Variants in PLCG2 observed in about 807,000 individuals in gnomAD.
PLCG2 encodes the protein phospholipase C gamma 2.
A neutral mutation model predicts 175.6 loss-of-function variants in PLCG2; 69 were observed. The observed-to-expected ratio is 0.39, with a 90% CI of 0.32 to 0.48. PLCG2 has a LOEUF of 0.48. Ranked by LOEUF, PLCG2 falls within the 20% of genes least tolerant of loss-of-function variation. The probability of loss-of-function intolerance (pLI) is 0.91; values close to 1 mark genes in which losing one functional copy is unlikely to be tolerated. For missense variants in PLCG2, 1,798 were observed against 1,650.9 expected, an observed-to-expected ratio of 1.09 and a Z score of -1.54; for synonymous variants, 827 against 624.0, an observed-to-expected ratio of 1.33 and a Z score of -4.85.
chr16:81,823,745 G>A (rs536225512), intron 2 of PLCG2, among the ~76,000 whole-genome samples: 35 of 150,466 alleles, frequency 2.3e-4, no homozygotes, highest in East Asian at 1.2e-3. Flanking sequence ...GCCCAGGCTG[G>A]CCTTGAATTC....
chr16:81,930,233 A>G (rs748661226), intron 24 of PLCG2, among the ~76,000 whole-genome samples: 5 of 152,230 alleles, frequency 3.3e-5, no homozygotes, highest in African/African-American at 9.6e-5. Context: ...TGCCTGGTAT[A>G]TAAGAGCTCA....
intron 2 of PLCG2, among the ~76,000 whole-genome samples, chr16:81,825,111 A>C (rs1162698152): frequency 3.3e-5 from 5 of 152,172 alleles, no homozygotes; most frequent in Non-Finnish European, 7.3e-5. Flanking sequence ...GTCTTAGCCC[A>C]GCGAGACCCG....
upstream of PLCG2, among the ~76,000 whole-genome samples, chr16:81,774,364 C>G (rs1227666305): frequency 2.0e-5 from 3 of 151,732 alleles, no homozygotes; most frequent in African/African-American, 7.3e-5. Context: ...ACCCACAAAA[C>G]CATTAAACCG....
intron 1 of PLCG2, among the ~76,000 whole-genome samples, chr16:81,745,253 C>A (rs1302524490): frequency 6.6e-6 from 1 of 152,154 alleles, no homozygotes; most frequent in Non-Finnish European, 1.5e-5. Context: ...CCGGGAAGGG[C>A]ATATGACCTA....
At position 81,920,736 on chromosome 16, in the gene PLCG2, A is replaced by G. The variant is rs148557181; in HGVS notation, c.2236-462A>G. Among the ~76,000 whole-genome samples the G allele has an allele frequency of 2.6e-3, 228 of 87,358 alleles. 4 individuals are homozygous for G. Among genetic ancestry groups the G allele is most frequent in the African/African-American group, 9.2e-3 (194 of 21,106 alleles). The allele number at this position is 87,358 out of a possible 152,430, so 57.3% of individuals were successfully genotyped here. ...TCAGTGGTGTGCTAGTAAATGTTCA[A>G]ACAGCTCTCAGCGGGGTAGGGGGAA... On this transcript the variant is annotated intron_variant, in intron 20 of 32. Coordinates refer to ENST00000564138, the MANE Select transcript of PLCG2 (RefSeq NM_002661.5).
Position 81,876,018 on chromosome 16 carries a change from T to TTC in PLCG2, c.649-4891_649-4890insCT, listed in dbSNP as rs1413353655. Among the ~76,000 whole-genome samples, 186 of 97,144 alleles carry TTC rather than the reference T, an allele frequency of 1.9e-3. 1 individual carries two copies. Among genetic ancestry groups the TTC allele is most frequent in the Non-Finnish European group, 3.3e-3 (141 of 42,766 alleles). 63.7% of individuals were successfully genotyped at this position (97,144 alleles called of 152,430 possible). ...CTGGTTAGCTTTTCTTTTTCTTTCT[T>TTC]TTTTTTTTTTTTTTTTTTTGTTTTT... On this transcript the variant is annotated intron_variant, in intron 7 of 32. Transcript: ENST00000564138.
chr16:81,903,873 G>T (rs138607110), intron 14 of PLCG2, among the ~76,000 whole-genome samples: 1 of 152,134 alleles, frequency 6.6e-6, no homozygotes, highest in Admixed American at 6.5e-5. Context: ...CACCTGATAC[G>T]CTGTGGCCCA....
rs537306517 is a variant in PLCG2 at position 81,773,467 on chromosome 16, G to C, written c.-47-12476G>C. Reference sequence around the variant, plus strand: ...GACTATTACATTGTTGGAGACACAGGGGGGTAAGAGGCAGAGCTGGGATTC... The same window carrying C: ...GACTATTACATTGTTGGAGACACAGCGGGGTAAGAGGCAGAGCTGGGATTC... On this transcript the variant is annotated intron_variant, in intron 2 of 5. Transcript: ENST00000565054. Among the ~76,000 whole-genome samples the C allele has an allele frequency of 3.3e-5, 5 of 152,284 alleles. No individual in the cohort carries two copies. In the South Asian group the frequency reaches 6.2e-4, roughly 19 times the overall value.
At chr16:81,850,274 T>G (rs1313121050) in intron 2 of PLCG2, among the ~76,000 whole-genome samples, 1 of 152,218 alleles carries the variant, frequency 6.6e-6, no homozygotes, top group Non-Finnish European at 1.5e-5. Flanking sequence ...GTGTGCTCAT[T>G]TTTTTGAGAT....
intron 24 of PLCG2, among the ~76,000 whole-genome samples, chr16:81,930,149 T>C (rs1910440631): frequency 1.3e-5 from 2 of 152,060 alleles, no homozygotes; most frequent in South Asian, 2.1e-4. Context: ...CCAGCCTGGA[T>C]AATGTAGCAA....
chr16:81,826,232 T>A (rs1483068046), intron 2 of PLCG2, among the ~76,000 whole-genome samples: 2 of 152,206 alleles, frequency 1.3e-5, no homozygotes, highest in Non-Finnish European at 2.9e-5. Flanking sequence ...GTCCACCTCC[T>A]GGTTCTTGGG....
At chr16:81,833,942 G>C (rs936412993) in intron 2 of PLCG2, among the ~76,000 whole-genome samples, 2 of 152,164 alleles carry the variant, frequency 1.3e-5, no homozygotes, top group African/African-American at 2.4e-5. Context: ...GACTTCAAAG[G>C]AAGCATTCAT....
chr16:81,920,271 T>C (rs1477505749), intron 20 of PLCG2, among the ~76,000 whole-genome samples: 1 of 152,178 alleles, frequency 6.6e-6, no homozygotes, highest in Non-Finnish European at 1.5e-5. Flanking sequence ...TTTGTCTCCA[T>C]TCCTACCACA....
chr16:81,800,480 C>G (rs911363393), intron 2 of PLCG2, among the ~76,000 whole-genome samples: 2 of 152,078 alleles, frequency 1.3e-5, no homozygotes, highest in African/African-American at 4.8e-5. Flanking sequence ...GTTTTCTGTT[C>G]CCGTGTTAGT....
chr16:81,774,335 AAAAAC>A (rs1000040068), upstream of PLCG2, among the ~76,000 whole-genome samples: 20 of 151,734 alleles, frequency 1.3e-4, no homozygotes, highest in African/African-American at 4.8e-4. Context: ...GGGCAGTAAA[AAAAAC>A]AAAACAAAAC....
At chr16:81,880,283 C>G (rs1042349729) in intron 7 of PLCG2, among the ~76,000 whole-genome samples, 6 of 152,086 alleles carry the variant, frequency 3.9e-5, no homozygotes, top group African/African-American at 1.4e-4. Flanking sequence ...TATGTGTACC[C>G]CAGTGGAGGT....
chr16:81,914,353 G>T (rs1567530576), intron 19 of PLCG2, among the ~76,000 whole-genome samples: 1 of 152,178 alleles, frequency 6.6e-6, no homozygotes, highest in Non-Finnish European at 1.5e-5. Flanking sequence ...ACCTTGGGCT[G>T]CCAGGACAGT....
At chr16:81,814,614 G>A (rs1369242092) in intron 2 of PLCG2, among the ~76,000 whole-genome samples, 1 of 152,078 alleles carries the variant, frequency 6.6e-6, no homozygotes, top group Non-Finnish European at 1.5e-5. Context: ...AGAATCACTT[G>A]AACCCGGGAG....
intron 6 of PLCG2, among the ~76,000 whole-genome samples, chr16:81,869,968 A>G (rs188893453): frequency 6.6e-6 from 1 of 152,314 alleles, no homozygotes; most frequent in Non-Finnish European, 1.5e-5. Flanking sequence ...GAGGACTCCA[A>G]TGCCCATTTT....
Sources: gnomAD v4.1 joint callset for allele counts (sites outside exome capture counted in the v4.1 genomes callset) on GRCh38, gnomAD v4.1.1 for gene constraint, MANE v1.5 for transcripts, NCBI Gene and HGNC (gene_info 2026-07-23, HGNC 2026-07-21) for gene names.